Variants in TMEM154 observed in about 807,000 individuals in gnomAD.
The protein encoded by TMEM154 is transmembrane protein 154.
A neutral mutation model predicts 24.5 loss-of-function variants in TMEM154; 27 were observed. The ratio of observed to expected loss-of-function variants is 1.10; its 90% CI spans 0.81 to 1.52. The LOEUF (loss-of-function observed/expected upper bound fraction) is 1.52. TMEM154 is among the 40% of genes most tolerant of loss of function. The probability of loss-of-function intolerance (pLI) is 0.00; values close to 1 mark genes in which losing one functional copy is unlikely to be tolerated. For missense variants in TMEM154, 228 were observed against 213.4 expected (o/e 1.07, Z -0.43); for synonymous variants, 67 against 76.8 (o/e 0.87, Z 0.67).
intron 3 of TMEM154, chr4:152,646,840 GAA>G (rs1728251003): frequency 1.5e-6 from 1 of 656,200 alleles, no homozygotes; most frequent in Non-Finnish European, 2.7e-6. Context: ...GTGAGCAAGA[GAA>G]AGAGTCTCTT....
rs1751891645 is a variant in TMEM154, at chr4:152,624,814, T to C, written c.*3732A>G. On this transcript the variant is annotated 3_prime_UTR_variant, in exon 7 of 7. Coordinates refer to ENST00000304385, the MANE Select transcript of TMEM154 (RefSeq NM_152680.3). The stretch of plus-strand genomic sequence containing the variant: ...TATACAGGAACTCTTTTGGTCATTG[T>C]CACATAGCAGAAATGCTGCTATATG... 1 of 152,236 alleles carries C rather than the reference T, an allele frequency of 6.6e-6. No homozygotes were observed. The highest frequency in any genetic ancestry group is 1.5e-5 in the Non-Finnish European group (1 of 68,038). 9.4% of individuals were successfully genotyped at this position (152,236 alleles called of 1,614,324 possible). A position where few individuals can be genotyped will look rare whatever the true frequency, so the allele number is the denominator to read the frequency against.
intron 1 of TMEM154, among the ~76,000 whole-genome samples, chr4:152,653,955 C>T (rs1728441033): frequency 6.6e-6 from 1 of 151,632 alleles, no homozygotes; most frequent in South Asian, 2.1e-4. Flanking sequence ...AAGAGAATTG[C>T]TTGAACCCAG....
chr4:152,655,256 G>T (rs776485542), intron 1 of TMEM154, among the ~76,000 whole-genome samples: 2 of 152,220 alleles, frequency 1.3e-5, no homozygotes, highest in African/African-American at 2.4e-5. Flanking sequence ...GCTGAGACTG[G>T]CTGGGAGCCA....
At chr4:152,658,585 A>T (rs891604941) in intron 1 of TMEM154, among the ~76,000 whole-genome samples, 6 of 146,748 alleles carry the variant, frequency 4.1e-5, no homozygotes. Context: ...AGATAGGAGG[A>T]TCACCTGAGG....
chr4:152,640,823 C>T (rs554424209), intron 6 of TMEM154, 105 bp downstream of exon 6: 22 of 944,590 alleles, frequency 2.3e-5, no homozygotes, highest in Middle Eastern at 2.1e-4. Context: ...TGATCTCATA[C>T]GAATTATAGG....
In TMEM154 at chr4:152,626,400, T is replaced by C. The variant is rs1751922547; in HGVS notation, c.*2146A>G. ...GTCATAAACATATGATATCTATTGA[T>C]TAAACAGTAATAAAAAGACACAAGG... is the stretch of plus-strand genomic sequence containing the variant. On this transcript the variant is annotated 3_prime_UTR_variant, in exon 7 of 7. Transcript: ENST00000304385. 6.6e-6 allele frequency: 1 copy of C among 152,446 alleles called. No homozygotes were observed. The highest frequency in any genetic ancestry group is 6.5e-5 in the Admixed American group (1 of 15,282). 9.4% of individuals were successfully genotyped at this position (152,446 alleles called of 1,614,324 possible). A position where few individuals can be genotyped will look rare whatever the true frequency, so the allele number is the denominator to read the frequency against.
In TMEM154 at chr4:152,676,108, T is replaced by C. The variant is rs182630789; in HGVS notation, c.64+3762A>G. Among the ~76,000 whole-genome samples, 7 of 152,274 alleles carry C rather than the reference T, an allele frequency of 4.6e-5. No individual in the cohort carries two copies. The East Asian group carries it at 1.2e-3, about 25-fold the overall frequency. ...ACTTCAACATTCTGTTTTTCCTGCT[T>C]CTAGTCTTAAATCCCCAGATTCTCT... On this transcript the variant is annotated intron_variant, in intron 1 of 6. Coordinates refer to ENST00000304385, the MANE Select transcript of TMEM154 (RefSeq NM_152680.3).
chr4:152,659,202 T>G (rs1224285084), intron 1 of TMEM154, among the ~76,000 whole-genome samples: 2 of 152,250 alleles, frequency 1.3e-5, no homozygotes, highest in African/African-American at 4.8e-5. Context: ...TGAAATCATG[T>G]CTTATGCTGC....
rs1751804903 is a variant in TMEM154 at position 152,618,859 on chromosome 4, T to C, written c.*9687A>G. On this transcript the variant is annotated 3_prime_UTR_variant, in exon 7 of 7. Coordinates refer to ENST00000304385, the MANE Select transcript of TMEM154 (RefSeq NM_152680.3). The stretch of plus-strand genomic sequence containing the variant: ...GATAAAGAATGACATCAGGATCCAT[T>C]AGATGGAAAGTGAGGAAAATGCAAT... The C allele has an allele frequency of 2.6e-5, 4 of 152,116 alleles. No individual in the cohort carries two copies. Among genetic ancestry groups the C allele is most frequent in the Admixed American group, 1.3e-4 (2 of 15,282 alleles). The allele number at this position is 152,116 out of a possible 1,614,324, so 9.4% of individuals were successfully genotyped here.
In TMEM154 at chr4:152,624,074, G is replaced by A. The variant is rs546945219; in HGVS notation, c.*4472C>T. ...GCCCATCCACCTTTGTCTTAAACAG[G>A]TCTACATTGTACTTCTAAACTTGTA... On this transcript the variant is annotated 3_prime_UTR_variant, in exon 7 of 7. Transcript: ENST00000304385. 1 of 152,160 alleles carries A rather than the reference G, an allele frequency of 6.6e-6. No homozygotes were observed. The highest frequency in any genetic ancestry group is 1.9e-4 in the East Asian group (1 of 5,188). 9.4% of individuals were successfully genotyped at this position (152,160 alleles called of 1,614,324 possible). A position where few individuals can be genotyped will look rare whatever the true frequency, so the allele number is the denominator to read the frequency against.
At chr4:152,638,461 C>T (rs575548350) in intron 6 of TMEM154, among the ~76,000 whole-genome samples, 3 of 152,248 alleles carry the variant, frequency 2.0e-5, no homozygotes, top group Non-Finnish European at 2.9e-5. Context: ...AATAATGCTT[C>T]GCCCACCAGT....
rs920982055 is a variant in TMEM154 at position 152,624,947 on chromosome 4, A to C, written c.*3599T>G. On this transcript the variant is annotated 3_prime_UTR_variant, in exon 7 of 7. Transcript: ENST00000304385. ...ACATGCGTTAATTTAATTCAGTATA[A>C]AATTTCCATGTTCTCCCACAAGGAG... 7.2e-5 allele frequency: 11 copies of C among 152,216 alleles called. No individual in the cohort carries two copies. The highest frequency in any genetic ancestry group is 2.2e-4 in the African/African-American group (9 of 41,454). 9.4% of individuals were successfully genotyped at this position (152,216 alleles called of 1,614,324 possible).
chr4:152,644,261 A>G (rs141985825), intron 4 of TMEM154, among the ~76,000 whole-genome samples, 154 bp downstream of exon 4: 50 of 152,272 alleles, frequency 3.3e-4, no homozygotes, highest in Non-Finnish European at 6.2e-4. Flanking sequence ...ATGCCAGCAC[A>G]TCCTCCCTCA....
chr4:152,628,232 G>T lies in TMEM154; in HGVS notation c.*314C>A. 2.2e-6 allele frequency: 1 copy of T among 456,516 alleles called. No homozygotes were observed. Among genetic ancestry groups the T allele is most frequent in the Non-Finnish European group, 3.9e-6 (1 of 258,204 alleles). 28.3% of individuals were successfully genotyped at this position (456,516 alleles called of 1,614,324 possible). A position where few individuals can be genotyped will look rare whatever the true frequency, so the allele number is the denominator to read the frequency against. ...TTATCATGACCAGAGTGAGTTCAGT[G>T]AGCTAGAAGTTGGCTGAGAGGAGGC... On this transcript the variant is annotated 3_prime_UTR_variant, in exon 7 of 7. Coordinates refer to ENST00000304385, the MANE Select transcript of TMEM154 (RefSeq NM_152680.3).
At chr4:152,671,764 A>AAG (rs1321754454) in intron 1 of TMEM154, among the ~76,000 whole-genome samples, 3,257 of 146,020 alleles carry the variant, frequency 0.022, 45 homozygotes, top group Non-Finnish European at 0.037. Context: ...AAAAAAAAAA[A>AAG]AAAAGAAAAG....
intron 1 of TMEM154, among the ~76,000 whole-genome samples, chr4:152,678,864 A>G (rs1021404943): frequency 5.9e-5 from 9 of 152,224 alleles, no homozygotes; most frequent in Non-Finnish European, 4.4e-5. Flanking sequence ...CCAGGGGAAG[A>G]GAAATTGATG....
intron 3 of TMEM154, among the ~76,000 whole-genome samples, chr4:152,648,763 T>C (rs1205017849): frequency 6.6e-6 from 1 of 152,220 alleles, no homozygotes; most frequent in East Asian, 1.9e-4. Flanking sequence ...AAAATCAATT[T>C]CTGGATTTGG....
At chr4:152,677,345 A>G (rs1382741153) in intron 1 of TMEM154, among the ~76,000 whole-genome samples, 1 of 152,186 alleles carries the variant, frequency 6.6e-6, no homozygotes, top group Non-Finnish European at 1.5e-5. Context: ...GTTGTTAATA[A>G]AGGCTTAATT....
In TMEM154 at chr4:152,619,517, A is replaced by G. The variant is rs1751813298; in HGVS notation, c.*9029T>C. 1 of 152,174 alleles carries G rather than the reference A, an allele frequency of 6.6e-6. No individual in the cohort carries two copies. The highest frequency in any genetic ancestry group is 1.5e-5 in the Non-Finnish European group (1 of 68,034). The allele number at this position is 152,174 out of a possible 1,614,324, so 9.4% of individuals were successfully genotyped here. On this transcript the variant is annotated 3_prime_UTR_variant, in exon 7 of 7. Coordinates refer to ENST00000304385, the MANE Select transcript of TMEM154 (RefSeq NM_152680.3). The stretch of plus-strand genomic sequence containing the variant: ...TCCTTTCCACCTTGAACCTAGGTAG[A>G]CTTTGTAACTGTCTCAAACAATAAA...
Sources: gnomAD v4.1 joint callset for allele counts (sites outside exome capture counted in the v4.1 genomes callset) on GRCh38, gnomAD v4.1.1 for gene constraint, MANE v1.5 for transcripts, NCBI Gene and HGNC (gene_info 2026-07-23, HGNC 2026-07-21) for gene names.